The following GPM6A variants were observed in gnomAD, a reference collection of about 807,000 sequenced individuals.
GPM6A encodes the protein glycoprotein M6A, also known as neuronal membrane glycoprotein M6-a.
Under a neutral mutation model 32.1 loss-of-function variants are expected in GPM6A, and 7 were observed. The ratio of observed to expected loss-of-function variants is 0.22; its 90% CI spans 0.12 to 0.41. The LOEUF (loss-of-function observed/expected upper bound fraction) is 0.41, where lower values mean the gene tolerates loss of function less well. GPM6A is among the 10% of genes least tolerant of loss of function. The probability of loss-of-function intolerance (pLI) is 1.00; values close to 1 mark genes in which losing one functional copy is unlikely to be tolerated. For synonymous variants in GPM6A, 130 were observed against 123.4 expected, an observed-to-expected ratio of 1.05 and a Z score of -0.35; for missense variants, 235 against 347.2, an observed-to-expected ratio of 0.68 and a Z score of 2.57.
chr4:175,810,606 C>T (rs1413484004), intron 1 of GPM6A, among the ~76,000 whole-genome samples: 2 of 152,178 alleles, frequency 1.3e-5, no homozygotes, highest in East Asian at 1.9e-4. Flanking sequence ...ACACATTCAA[C>T]CTGTTACCAC....
At chr4:175,845,273 T>G (rs1334307890) in intron 1 of GPM6A, among the ~76,000 whole-genome samples, 1 of 152,128 alleles carries the variant, frequency 6.6e-6, no homozygotes, top group Non-Finnish European at 1.5e-5. Flanking sequence ...AGTTTATAAT[T>G]ACGATAAATA....
At position 175,945,067 on chromosome 4, in the gene GPM6A, G is replaced by A. The variant is rs769085110; in HGVS notation, c.-23+57242C>T. On this transcript the variant is annotated intron_variant, in intron 1 of 7. Coordinates refer to the GPM6A transcript ENST00000280187. ...TTAAAAAGTAAGCCTTTTGAGAAAA[G>A]GGTGTTTTTTAAAAAAAATTATTCA... Among the ~76,000 whole-genome samples, 120 of 151,800 alleles carry A rather than the reference G, an allele frequency of 7.9e-4. 2 individuals are homozygous for A. The highest frequency in any genetic ancestry group is 4.1e-4 in the Non-Finnish European group (28 of 67,678).
rs1256410029 is a variant in GPM6A at position 175,914,570 on chromosome 4, G to GC, written c.-23+87738dup. Among the ~76,000 whole-genome samples the GC allele has an allele frequency of 2.0e-5, 3 of 152,282 alleles. No individual in the cohort carries two copies. The East Asian group carries it at 5.8e-4, about 29-fold the overall frequency. ...ACTCCTGATCTCAAGTGATCTGCCC[G>GC]CCTTGGCCTCCCAAAGTGCTGGAAT... On this transcript the variant is annotated intron_variant, in intron 1 of 7. Transcript: ENST00000280187.
intron 1 of GPM6A, among the ~76,000 whole-genome samples, chr4:175,898,828 T>C (rs1019403773): frequency 2.0e-5 from 3 of 152,224 alleles, no homozygotes; most frequent in African/African-American, 7.2e-5. Flanking sequence ...GTCATTTCTC[T>C]CTAGTAACAT....
At chr4:175,807,897 A>T (rs1047171694) in intron 1 of GPM6A, among the ~76,000 whole-genome samples, 18 of 152,174 alleles carry the variant, frequency 1.2e-4, no homozygotes. Context: ...ATTTACTACG[A>T]TGTGACTTTG....
At chr4:175,810,184 C>G (rs1224623441) in intron 1 of GPM6A, among the ~76,000 whole-genome samples, 1 of 152,146 alleles carries the variant, frequency 6.6e-6, no homozygotes, top group Non-Finnish European at 1.5e-5. Context: ...TTCACAGTTA[C>G]AACCCACGCA....
chr4:175,934,586 G>A (rs1403653221), intron 1 of GPM6A, among the ~76,000 whole-genome samples: 1 of 152,142 alleles, frequency 6.6e-6, no homozygotes, highest in Non-Finnish European at 1.5e-5. Flanking sequence ...TTTTGTTCCA[G>A]GGCATGTGAC....
At chr4:175,978,185 G>A (rs138803599) in intron 1 of GPM6A, among the ~76,000 whole-genome samples, 5,412 of 152,212 alleles carry the variant, frequency 0.036, 206 homozygotes, top group African/African-American at 0.1. Flanking sequence ...CACATGGCTG[G>A]GGAAGCTTCA....
intron 1 of GPM6A, among the ~76,000 whole-genome samples, chr4:175,705,786 G>A (rs1579406799): frequency 6.6e-6 from 1 of 152,178 alleles, no homozygotes; most frequent in Non-Finnish European, 1.5e-5. Context: ...TGAAGGCATA[G>A]GAAGTGGAGT....
At chr4:175,705,219 G>A (rs931581448) in intron 1 of GPM6A, among the ~76,000 whole-genome samples, 2 of 152,154 alleles carry the variant, frequency 1.3e-5, no homozygotes, top group African/African-American at 4.8e-5. Flanking sequence ...CTGAGATAAC[G>A]TGCATTTCCA....
Position 175,779,990 on chromosome 4 carries a change from G to A in GPM6A, c.37+32201C>T, listed in dbSNP as rs1427010034. Among the ~76,000 whole-genome samples the A allele has an allele frequency of 5.3e-5, 8 of 149,566 alleles. No homozygotes were observed. The South Asian group carries it at 1.5e-3, about 28-fold the overall frequency. Reference sequence around the variant, plus strand: ...TAACTCGGAGGTAGCAGTATGCTCAGTGAAAAAAAAATAGTTTAAAGTCAG... The same window carrying A: ...TAACTCGGAGGTAGCAGTATGCTCAATGAAAAAAAAATAGTTTAAAGTCAG... On this transcript the variant is annotated intron_variant, in intron 1 of 6. Transcript: ENST00000393658.
intron 1 of GPM6A, chr4:176,002,179 G>A (rs1361677796): frequency 2.0e-6 from 2 of 1,019,358 alleles, no homozygotes; most frequent in South Asian, 1.4e-5. Context: ...GGCGGGGGAC[G>A]CCAGGCGCGG....
At chr4:175,779,823 G>A (rs1733545569) in intron 1 of GPM6A, among the ~76,000 whole-genome samples, 1 of 151,726 alleles carries the variant, frequency 6.6e-6, no homozygotes, top group African/African-American at 2.4e-5. Flanking sequence ...GAAATATGAG[G>A]GTAAAATTTT....
chr4:175,741,927 A>T (rs1398701432), intron 1 of GPM6A, among the ~76,000 whole-genome samples: 1 of 152,098 alleles, frequency 6.6e-6, no homozygotes, highest in South Asian at 2.1e-4. Flanking sequence ...ATCAAGGGTA[A>T]CTTAGAGTCA....
chr4:175,771,601 A>G (rs891883666), intron 1 of GPM6A, among the ~76,000 whole-genome samples: 10 of 151,896 alleles, frequency 6.6e-5, no homozygotes, highest in East Asian at 1.9e-4. Flanking sequence ...TTTGATGTTT[A>G]GAAGACGTAA....
At chr4:175,868,017 T>C (rs374916670) in intron 1 of GPM6A, among the ~76,000 whole-genome samples, 1 of 152,348 alleles carries the variant, frequency 6.6e-6, no homozygotes, top group East Asian at 1.9e-4. Flanking sequence ...ACCAGGTCCA[T>C]CTGGTTGAAC....
At chr4:175,889,368 T>A (rs1046149925) in intron 1 of GPM6A, among the ~76,000 whole-genome samples, 33 of 151,938 alleles carry the variant, frequency 2.2e-4, no homozygotes, top group Non-Finnish European at 7.4e-5. Flanking sequence ...TACAAAAAAA[T>A]TTTAAAATTA....
At position 175,826,334 on chromosome 4, in the gene GPM6A, C is replaced by CGTGT. The variant is rs142364470; in HGVS notation, c.-22-14089_-22-14086dup. ...CTCCTCCCCTGCTCAGTGGCGTACA[C>CGTGT]GTGTGTGTGTGTGTGTGTATCGTGA... is the stretch of plus-strand genomic sequence containing the variant. On this transcript the variant is annotated intron_variant, in intron 1 of 7. Coordinates refer to the GPM6A transcript ENST00000280187. Among the ~76,000 whole-genome samples the CGTGT allele has an allele frequency of 3.8e-3, 565 of 149,860 alleles. 2 individuals are homozygous for CGTGT. Among genetic ancestry groups the CGTGT allele is most frequent in the Non-Finnish European group, 5.3e-3 (356 of 67,380 alleles).
At position 175,840,277 on chromosome 4, in the gene GPM6A, G is replaced by A. The variant is rs1241501476; in HGVS notation, c.-22-28028C>T. The stretch of plus-strand genomic sequence containing the variant: ...ATTTACTTAGTGAGTTAGAAAAAAG[G>A]GGAAATGTCTATGCCAATTTAAAGA... On this transcript the variant is annotated intron_variant, in intron 1 of 7. Coordinates refer to the GPM6A transcript ENST00000280187. Among the ~76,000 whole-genome samples, 5 of 152,278 alleles carry A rather than the reference G, an allele frequency of 3.3e-5. No homozygotes were observed. In the East Asian group the frequency reaches 9.6e-4, roughly 29 times the overall value.
Sources: gnomAD v4.1 joint callset for allele counts (sites outside exome capture counted in the v4.1 genomes callset) on GRCh38, gnomAD v4.1.1 for gene constraint, MANE v1.5 for transcripts, NCBI Gene and HGNC (gene_info 2026-07-23, HGNC 2026-07-21) for gene names.